The following CDK14 variants were observed in gnomAD, a reference collection of about 807,000 sequenced individuals.
CDK14 encodes the protein cyclin dependent kinase 14.
A neutral mutation model predicts 60.7 loss-of-function variants in CDK14; 34 were observed. The observed-to-expected ratio is 0.56, with a 90% CI of 0.43 to 0.75. CDK14 has a LOEUF of 0.75. Among genes scored for constraint, CDK14 ranks in the 30% least tolerant of loss-of-function variants. The probability of loss-of-function intolerance (pLI) is 0.00; values close to 1 mark genes in which losing one functional copy is unlikely to be tolerated. For missense variants in CDK14, 482 were observed against 564.1 expected (o/e 0.85, Z 1.47); for synonymous variants, 197 against 203.7 (o/e 0.97, Z 0.28).
intron 5 of CDK14, 61 bp from the exon 6 acceptor site, chr7:90,863,114 G>T: frequency 3.5e-6 from 3 of 850,164 alleles, no homozygotes; most frequent in Admixed American, 2.1e-5. Context: ...AAATTATAAT[G>T]GTATATATTA....
rs1800711744 is a variant in CDK14, at chr7:90,654,499, A to G, written c.123+50250A>G. The stretch of plus-strand genomic sequence containing the variant: ...CAAGGAGAGTGTAAAGTCTTTTTCA[A>G]TGTAAAGTGACTGAAACTTTGCTTT... On this transcript the variant is annotated intron_variant, in intron 2 of 14. Coordinates refer to ENST00000380050, the MANE Select transcript of CDK14 (RefSeq NM_001287135.2). Among the ~76,000 whole-genome samples the G allele has an allele frequency of 3.3e-5, 5 of 152,172 alleles. No homozygotes were observed. In the South Asian group the frequency reaches 1.0e-3, roughly 32 times the overall value.
At chr7:91,115,879 CA>C (rs1799595235) in intron 13 of CDK14, among the ~76,000 whole-genome samples, 1 of 152,138 alleles carries the variant, frequency 6.6e-6, no homozygotes, top group Non-Finnish European at 1.5e-5. Flanking sequence ...AAAACCTCAT[CA>C]GGTTACATAG....
At chr7:90,972,820 C>G (rs962540812) in intron 9 of CDK14, among the ~76,000 whole-genome samples, 1 of 152,144 alleles carries the variant, frequency 6.6e-6, no homozygotes, top group Admixed American at 6.5e-5. Context: ...TACCCAAATT[C>G]CTTTACATTA....
At chr7:90,791,753 A>G (rs1805838966) in intron 5 of CDK14, among the ~76,000 whole-genome samples, 1 of 152,102 alleles carries the variant, frequency 6.6e-6, no homozygotes, top group Non-Finnish European at 1.5e-5. Context: ...TCAAATGTAT[A>G]CCTCTCTGTC....
chr7:90,638,511 G>T (rs1800219998), intron 2 of CDK14, among the ~76,000 whole-genome samples: 1 of 152,198 alleles, frequency 6.6e-6, no homozygotes, highest in Non-Finnish European at 1.5e-5. Flanking sequence ...CTGTTAGTCT[G>T]ATGGGCTTCC....
intron 7 of CDK14, among the ~76,000 whole-genome samples, chr7:90,903,834 ATAG>A (rs1050037961): frequency 6.6e-6 from 1 of 152,154 alleles, no homozygotes; most frequent in Non-Finnish European, 1.5e-5. Context: ...ATATGTACAA[ATAG>A]TATGTATTAA....
chr7:90,800,405 A>G lies in CDK14; in HGVS notation c.544+9753A>G, dbSNP rs1001357739. Among the ~76,000 whole-genome samples, 3 of 152,258 alleles carry G rather than the reference A, an allele frequency of 2.0e-5. No individual in the cohort carries two copies. The East Asian group carries it at 5.8e-4, about 29-fold the overall frequency. ...TTAAAATATTCTAATAGTACAATAA[A>G]TGTTATATGAATTATTGATATTACT... On this transcript the variant is annotated intron_variant, in intron 5 of 14. Transcript: ENST00000380050.
intron 10 of CDK14, among the ~76,000 whole-genome samples, chr7:91,040,755 C>T (rs1797065326): frequency 6.6e-6 from 1 of 152,166 alleles, no homozygotes; most frequent in Admixed American, 6.5e-5. Flanking sequence ...CAGGAAGAAC[C>T]GTTAGCAGGT....
At chr7:90,856,023 A>G (rs1418928930) in intron 5 of CDK14, among the ~76,000 whole-genome samples, 1 of 152,162 alleles carries the variant, frequency 6.6e-6, no homozygotes, top group Non-Finnish European at 1.5e-5. Flanking sequence ...GTGGGATTGA[A>G]TTTTTGCCCA....
At chr7:90,832,325 A>G (rs918971002) in intron 5 of CDK14, among the ~76,000 whole-genome samples, 1 of 152,254 alleles carries the variant, frequency 6.6e-6, no homozygotes, top group East Asian at 1.9e-4. Flanking sequence ...GAGTAGAAGG[A>G]CTAATCTCCC....
At chr7:91,088,535 G>A (rs1798705071) in intron 12 of CDK14, among the ~76,000 whole-genome samples, 1 of 151,454 alleles carries the variant, frequency 6.6e-6, no homozygotes. Context: ...ATCTAGTATT[G>A]GTTTACAATG....
chr7:90,618,858 A>G (rs1451467275), intron 2 of CDK14, among the ~76,000 whole-genome samples: 1 of 152,178 alleles, frequency 6.6e-6, no homozygotes, highest in African/African-American at 2.4e-5. Context: ...TTCTTTTCTG[A>G]TACCATTTGG....
At chr7:90,889,312 C>G (rs1792043241) in intron 6 of CDK14, among the ~76,000 whole-genome samples, 1 of 152,194 alleles carries the variant, frequency 6.6e-6, no homozygotes, top group Non-Finnish European at 1.5e-5. Flanking sequence ...TATAATTTGT[C>G]TATCCATGAT....
At chr7:91,100,960 T>G (rs1247870524) in intron 12 of CDK14, among the ~76,000 whole-genome samples, 1 of 152,148 alleles carries the variant, frequency 6.6e-6, no homozygotes, top group African/African-American at 2.4e-5. Context: ...GTGTATTGAG[T>G]AAGGGTTAGA....
At chr7:90,748,024 C>A (rs1803666063) in intron 4 of CDK14, among the ~76,000 whole-genome samples, 1 of 149,108 alleles carries the variant, frequency 6.7e-6, no homozygotes, top group Admixed American at 6.9e-5. Flanking sequence ...ACACTGCTTT[C>A]TCTTTCAAAG....
intron 2 of CDK14, among the ~76,000 whole-genome samples, chr7:90,639,649 C>T (rs1211461579): frequency 4.2e-5 from 6 of 142,726 alleles, no homozygotes; most frequent in Admixed American, 2.9e-4. Context: ...AGAACCACTG[C>T]TCTCCTCAAA....
intron 6 of CDK14, among the ~76,000 whole-genome samples, chr7:90,873,347 TGTAA>T (rs1255623172): frequency 1.3e-5 from 2 of 152,344 alleles, no homozygotes; most frequent in East Asian, 3.9e-4. Flanking sequence ...CAAATTCAGT[TGTAA>T]GTGTGAAAGT....
chr7:91,164,595 A>G (rs1346913334), intron 14 of CDK14, among the ~76,000 whole-genome samples: 1 of 152,122 alleles, frequency 6.6e-6, no homozygotes, highest in African/African-American at 2.4e-5. Flanking sequence ...AAATGCAGGA[A>G]GATTTGGCTA....
chr7:91,122,904 G>A (rs564036969), intron 14 of CDK14, among the ~76,000 whole-genome samples: 4 of 152,268 alleles, frequency 2.6e-5, no homozygotes, highest in African/African-American at 9.6e-5. Flanking sequence ...TCTGAGCCCT[G>A]ATCCAGTCAG....
Sources: allele counts gnomAD v4.1 joint callset (sites outside exome capture counted in the v4.1 genomes callset), GRCh38; gene constraint gnomAD v4.1.1; transcripts MANE v1.5; gene names NCBI Gene and HGNC (gene_info 2026-07-23, HGNC 2026-07-21).